The following ITPR1 variants were observed in gnomAD, a reference collection of about 807,000 sequenced individuals.
ITPR1 encodes inositol 1,4,5-trisphosphate-gated calcium channel ITPR1.
Under a neutral mutation model 318.4 loss-of-function variants are expected in ITPR1, and 96 were observed. The ratio of observed to expected loss-of-function variants is 0.30; its 90% CI spans 0.26 to 0.36. ITPR1 has a LOEUF of 0.36. Ranked by LOEUF, ITPR1 falls within the 10% of genes least tolerant of loss-of-function variation. The pLI, the probability that ITPR1 is intolerant of heterozygous loss-of-function variation, is 1.00. For missense variants in ITPR1, 2,440 were observed against 3,460.2 expected, an observed-to-expected ratio of 0.71 and a Z score of 7.40; for synonymous variants, 1,312 against 1,289.9, an observed-to-expected ratio of 1.02 and a Z score of -0.37.
intron 10 of ITPR1, among the ~76,000 whole-genome samples, chr3:4,650,446 C>G (rs2093567322): frequency 1.3e-5 from 2 of 151,982 alleles, no homozygotes; most frequent in Non-Finnish European, 2.9e-5. Context: ...AGATTTTGAT[C>G]CATTGTCTTT....
intron 2 of ITPR1, among the ~76,000 whole-genome samples, chr3:4,509,846 C>T (rs1174915861): frequency 2.0e-5 from 3 of 152,150 alleles, no homozygotes; most frequent in Admixed American, 6.5e-5. Flanking sequence ...TACAATAGCA[C>T]TAAAGTGACA....
At chr3:4,721,051 A>G (rs150742364) in intron 40 of ITPR1, among the ~76,000 whole-genome samples, 159 of 151,446 alleles carry the variant, frequency 1.0e-3, no homozygotes, top group African/African-American at 3.5e-3. Flanking sequence ...GACACTGGCA[A>G]CCACAGAGCA....
intron 60 of ITPR1, among the ~76,000 whole-genome samples, chr3:4,827,393 G>C (rs1180521388): frequency 6.6e-6 from 1 of 152,188 alleles, no homozygotes; most frequent in Non-Finnish European, 1.5e-5. Context: ...CTCTCACCTG[G>C]AAAATGTTCT....
At chr3:4,698,597 A>G (rs1014189461) in intron 34 of ITPR1, among the ~76,000 whole-genome samples, 1 of 152,126 alleles carries the variant, frequency 6.6e-6, no homozygotes, top group Non-Finnish European at 1.5e-5. Flanking sequence ...TGGCAAGCAG[A>G]TTTGGCTGTG....
chr3:4,653,265 C>T (rs973660087), intron 11 of ITPR1, among the ~76,000 whole-genome samples: 9 of 152,064 alleles, frequency 5.9e-5, no homozygotes, highest in Admixed American at 4.6e-4. Flanking sequence ...GTGCCTGACC[C>T]GAGGAAGGCT....
intron 43 of ITPR1, 150 bp from the exon 44 acceptor site, chr3:4,735,014 A>T (rs929514779): frequency 4.8e-6 from 3 of 629,102 alleles, no homozygotes; most frequent in African/African-American, 1.8e-5. Flanking sequence ...CTGTGTTAAT[A>T]ATCAGTATTT....
chr3:4,825,758 G>C (rs1191765717), intron 60 of ITPR1: 2 of 456,656 alleles, frequency 4.4e-6, no homozygotes, highest in Non-Finnish European at 8.8e-6. Flanking sequence ...TGACCCAAGA[G>C]AGAGCCTGTG....
chr3:4,705,007 G>GT (rs1290261845), intron 36 of ITPR1, among the ~76,000 whole-genome samples: 10 of 151,944 alleles, frequency 6.6e-5, no homozygotes, highest in South Asian at 2.1e-4. Context: ...CTGGCTTATA[G>GT]TTTTTTTTCC....
intron 6 of ITPR1, among the ~76,000 whole-genome samples, chr3:4,641,448 C>T (rs570706006): frequency 6.6e-6 from 1 of 152,308 alleles, no homozygotes; most frequent in East Asian, 1.9e-4. Flanking sequence ...GTGATTTCGG[C>T]TCACTGTAGC....
chr3:4,818,991 T>C (rs2049497119), intron 60 of ITPR1, among the ~76,000 whole-genome samples: 1 of 152,164 alleles, frequency 6.6e-6, no homozygotes, highest in Non-Finnish European at 1.5e-5. Context: ...AGGGAGTCTC[T>C]GTGATTCACG....
rs369850868 is a variant in ITPR1 at position 4,828,258 on chromosome 3, A to G, written c.8029-8516A>G. On this transcript the variant is annotated intron_variant, in intron 60 of 61. Transcript: ENST00000649015. ...ATGGATCAAAGTTGAATACTACTGG[A>G]ATCCAGAAAAGAATAGAAGAAAACC... is the stretch of plus-strand genomic sequence containing the variant. 1.4e-4 allele frequency among the ~76,000 whole-genome samples: 22 copies of G among 152,322 alleles called. 5 individuals carry two copies. Among genetic ancestry groups the G allele is most frequent in the Admixed American group, 3.3e-4 (5 of 15,304 alleles).
At chr3:4,743,016 C>G (rs936188181) in intron 44 of ITPR1, among the ~76,000 whole-genome samples, 1 of 152,180 alleles carries the variant, frequency 6.6e-6, no homozygotes, top group South Asian at 2.1e-4. Flanking sequence ...TAGGTTGGTG[C>G]AAAAGTAATT....
intron 46 of ITPR1, among the ~76,000 whole-genome samples, chr3:4,770,385 A>G (rs182722048): frequency 3.3e-5 from 5 of 152,318 alleles, no homozygotes; most frequent in South Asian, 2.1e-4. Context: ...AATACCTTCT[A>G]TAGTTGTTTG....
At chr3:4,630,124 T>G (rs1291969947) in intron 5 of ITPR1, among the ~76,000 whole-genome samples, 10 of 152,114 alleles carry the variant, frequency 6.6e-5, no homozygotes, top group Admixed American at 6.5e-4. Context: ...AATTATATAG[T>G]AAATTGAATA....
At chr3:4,558,390 C>T (rs576885476) in intron 4 of ITPR1, among the ~76,000 whole-genome samples, 2 of 152,028 alleles carry the variant, frequency 1.3e-5, no homozygotes, top group Non-Finnish European at 2.9e-5. Context: ...ATAATATAAA[C>T]ACAATCAATT....
intron 60 of ITPR1, among the ~76,000 whole-genome samples, chr3:4,833,101 C>G (rs1278831527): frequency 6.6e-6 from 1 of 152,224 alleles, no homozygotes; most frequent in African/African-American, 2.4e-5. Context: ...CAACCCCATG[C>G]AGGACACAGA....
chr3:4,785,294 A>G (rs764760175), intron 51 of ITPR1, among the ~76,000 whole-genome samples: 3 of 152,200 alleles, frequency 2.0e-5, no homozygotes, highest in Admixed American at 6.5e-5. Context: ...TTGTACCTGC[A>G]CTGTCTTTCA....
At chr3:4,665,404 G>A in intron 17 of ITPR1, 108 bp downstream of exon 17, 2 of 1,013,826 alleles carry the variant, frequency 2.0e-6, no homozygotes, top group Non-Finnish European at 2.9e-6. Flanking sequence ...AATGGATGCA[G>A]AATAGTTCAG....
chr3:4,836,292 T>C (rs1285732767), intron 60 of ITPR1, among the ~76,000 whole-genome samples: 1 of 152,138 alleles, frequency 6.6e-6, no homozygotes, highest in East Asian at 1.9e-4. Flanking sequence ...GGAATTTCAC[T>C]TGGGGAAGAT....
Sources: allele counts gnomAD v4.1 joint callset (sites outside exome capture counted in the v4.1 genomes callset), GRCh38; gene constraint gnomAD v4.1.1; transcripts MANE v1.5; gene names NCBI Gene and HGNC (gene_info 2026-07-23, HGNC 2026-07-21).